The following IGFL2 variants were observed in gnomAD, a reference collection of about 807,000 sequenced individuals.
IGFL2 encodes the protein insulin growth factor-like family member 2.
Under a neutral mutation model 13.9 loss-of-function variants are expected in IGFL2, and 7 were observed. That is an observed-to-expected ratio of 0.51 (90% CI 0.29 to 0.95). IGFL2 has a LOEUF of 0.95. IGFL2 is among the 40% of genes least tolerant of loss of function. The probability of loss-of-function intolerance (pLI) is 0.08; values close to 1 mark genes in which losing one functional copy is unlikely to be tolerated. For missense variants in IGFL2, 138 were observed against 147.8 expected, an observed-to-expected ratio of 0.93 and a Z score of 0.34; for synonymous variants, 55 against 55.8, an observed-to-expected ratio of 0.99 and a Z score of 0.07.
the IGFL2 span, chr19:46,209,547 T>C: frequency 1.5e-5 from 2 of 129,092 alleles, no homozygotes; most frequent in Admixed American, 1.5e-4. Flanking sequence ...GATTCCTAAG[T>C]TTATTAATCC....
upstream of IGFL2, among the ~76,000 whole-genome samples, chr19:46,141,254 A>C (rs1487632034): frequency 6.6e-6 from 1 of 152,208 alleles, no homozygotes. Flanking sequence ...TCCATGGGAA[A>C]TTGTCTCTGA....
At chr19:46,120,122 A>C in the IGFL2 span, 1 of 629,876 alleles carries the variant, frequency 1.6e-6, no homozygotes, top group Non-Finnish European at 2.6e-6. Context: ...TCTCAGCGGG[A>C]AGGGGAGCTG....
At chr19:46,192,247 C>G in the IGFL2 span, among the ~76,000 whole-genome samples, 1 of 152,176 alleles carries the variant, frequency 6.6e-6, no homozygotes, top group East Asian at 1.9e-4. Context: ...TATGAAGCCA[C>G]TCTGTGTTTC....
the IGFL2 span, chr19:46,203,418 G>A: frequency 6.5e-6 from 1 of 152,706 alleles, no homozygotes; most frequent in African/African-American, 2.4e-5. Context: ...CGGTACAGTT[G>A]GCCAGCTGCA....
chr19:46,146,689 A>AG (rs1020785047), upstream of IGFL2, among the ~76,000 whole-genome samples: 1 of 152,028 alleles, frequency 6.6e-6, no homozygotes, highest in Non-Finnish European at 1.5e-5. Flanking sequence ...GTTTTTGGGG[A>AG]GGGGGGTATT....
chr19:46,165,697 G>A (rs956602170), downstream of IGFL2, among the ~76,000 whole-genome samples: 12 of 152,232 alleles, frequency 7.9e-5, no homozygotes, highest in Non-Finnish European at 1.6e-4. Flanking sequence ...GGCTTGTCAC[G>A]AGGCAATGCC....
chr19:46,200,881 C>T, the IGFL2 span: 1 of 152,194 alleles, frequency 6.6e-6, no homozygotes, highest in African/African-American at 2.4e-5. Context: ...CAATATGTGA[C>T]TTACCACAGT....
chr19:46,078,651 T>C, the IGFL2 span, among the ~76,000 whole-genome samples: 1 of 152,216 alleles, frequency 6.6e-6, no homozygotes, highest in Non-Finnish European at 1.5e-5. Context: ...CACTTTAAAA[T>C]GCATCAAACA....
chr19:46,143,402 C>CT (rs528215005), upstream of IGFL2, among the ~76,000 whole-genome samples: 4,107 of 139,296 alleles, frequency 0.029, 181 homozygotes, highest in African/African-American at 0.093. Context: ...TCTTCTTCTT[C>CT]TTTTTTTTTT....
At chr19:46,179,887 G>T in the IGFL2 span, among the ~76,000 whole-genome samples, 3 of 152,028 alleles carry the variant, frequency 2.0e-5, no homozygotes, top group Non-Finnish European at 4.4e-5. Context: ...CTGCACTCCA[G>T]CCTGGGCGAC....
the IGFL2 span, chr19:46,198,115 C>G: frequency 6.7e-5 from 10 of 149,602 alleles, no homozygotes; most frequent in Non-Finnish European, 1.3e-4. Flanking sequence ...CCCCTTCCTC[C>G]CTTCTTTTTT....
chr19:46,214,359 A>C, the IGFL2 span: 3 of 152,228 alleles, frequency 2.0e-5, no homozygotes, highest in Non-Finnish European at 2.9e-5. Flanking sequence ...TTTAAATGGC[A>C]TCAGATGAAC....
chr19:46,137,725 G>A, the IGFL2 span, among the ~76,000 whole-genome samples: 2 of 152,174 alleles, frequency 1.3e-5, no homozygotes, highest in African/African-American at 4.8e-5. Context: ...TTTAAAAAAT[G>A]CTTTTTTAAA....
chr19:46,199,926 G>T, the IGFL2 span, among the ~76,000 whole-genome samples: 5 of 152,124 alleles, frequency 3.3e-5, no homozygotes, highest in Non-Finnish European at 7.4e-5. Flanking sequence ...AGCCAGGCTG[G>T]AGTGCAGTGG....
the IGFL2 span, among the ~76,000 whole-genome samples, chr19:46,194,830 T>TTACATATATATA: frequency 6.2e-4 from 29 of 46,784 alleles, 1 homozygote; most frequent in African/African-American, 2.8e-3. Context: ...CTTCCTCATT[T>TTACATATATATA]TATATATATA....
the IGFL2 span, among the ~76,000 whole-genome samples, chr19:46,081,463 T>A: frequency 1.3e-5 from 2 of 152,208 alleles, no homozygotes; most frequent in South Asian, 4.1e-4. Context: ...GTTGTCCCAC[T>A]CGTGTCCGCT....
At chr19:46,091,811 T>C in the IGFL2 span, among the ~76,000 whole-genome samples, 1 of 152,210 alleles carries the variant, frequency 6.6e-6, no homozygotes, top group African/African-American at 2.4e-5. Context: ...TTTGAGAGCC[T>C]CAACAGTTTC....
chr19:46,092,484 T>C, the IGFL2 span, among the ~76,000 whole-genome samples: 1 of 151,774 alleles, frequency 6.6e-6, no homozygotes, highest in Non-Finnish European at 1.5e-5. Flanking sequence ...ATACAAAAAT[T>C]AGCTGGGCTT....
At chr19:46,197,550 G>A in the IGFL2 span, among the ~76,000 whole-genome samples, 1 of 152,066 alleles carries the variant, frequency 6.6e-6, no homozygotes. Context: ...GGCCTGCTCA[G>A]TGTCTCTGTC....
Sources: gnomAD v4.1 joint callset for allele counts (sites outside exome capture counted in the v4.1 genomes callset) on GRCh38, gnomAD v4.1.1 for gene constraint, MANE v1.5 for transcripts, NCBI Gene and HGNC (gene_info 2026-07-23, HGNC 2026-07-21) for gene names.